FYB2: variants seen among roughly 807,000 people sequenced by gnomAD.
FYB2 encodes the protein FYN binding protein 2.
A neutral mutation model predicts 94.1 loss-of-function variants in FYB2; 103 were observed. The observed-to-expected ratio is 1.09, with a 90% CI of 0.93 to 1.29. FYB2 has a LOEUF of 1.29. Ranked by LOEUF, FYB2 falls within the 50% of genes most tolerant of loss-of-function variation. The pLI, the probability that FYB2 is intolerant of heterozygous loss-of-function variation, is 0.00. For missense variants in FYB2, 896 were observed against 841.5 expected, an observed-to-expected ratio of 1.06 and a Z score of -0.80; for synonymous variants, 293 against 287.9, an observed-to-expected ratio of 1.02 and a Z score of -0.18.
upstream of FYB2, chr1:56,824,343 A>G (rs79871836): frequency 0.019 from 2,914 of 152,338 alleles, 98 homozygotes; most frequent in African/African-American, 0.067. Flanking sequence ...TCCAGAGAAC[A>G]GAAGGGCTCA....
intron 3 of FYB2, chr1:56,788,751 C>CAGT (rs1317765972): frequency 4.9e-5 from 28 of 574,920 alleles, no homozygotes; most frequent in Non-Finnish European, 8.0e-5. Flanking sequence ...TGATCAAATG[C>CAGT]AGTGCTCTCA....
chr1:56,792,849 C>A (rs1477348664), intron 1 of FYB2, 46 bp from the exon 2 acceptor site: 14 of 1,519,052 alleles, frequency 9.2e-6, no homozygotes, highest in Non-Finnish European at 1.2e-5. Context: ...CAAAAACAAA[C>A]AAACAACAAC....
At chr1:56,756,000 A>G (rs1645321225) in intron 6 of FYB2, 73 bp from the exon 7 acceptor site, 1 of 1,424,314 alleles carries the variant, frequency 7.0e-7, no homozygotes, top group Non-Finnish European at 9.9e-7. Context: ...GTTACAGATC[A>G]TTAGAGACTA....
intron 1 of FYB2, among the ~76,000 whole-genome samples, chr1:56,794,398 C>T (rs200089250): frequency 2.6e-5 from 4 of 151,992 alleles, no homozygotes; most frequent in African/African-American, 7.2e-5. Flanking sequence ...GGAGCCATTG[C>T]AAAAAATAAG....
chr1:56,758,581 A>G lies in FYB2; in HGVS notation c.1098+135T>C, dbSNP rs6694629. The G allele has an allele frequency of 6.3e-6, 4 of 638,420 alleles. No homozygotes were observed. In the African/African-American group the frequency reaches 7.7e-5, roughly 12 times the overall value. The allele number at this position is 638,420 out of a possible 1,614,324, so 39.5% of individuals were successfully genotyped here. On this transcript the variant is annotated intron_variant, in intron 6 of 19. Coordinates refer to ENST00000343433, the MANE Select transcript of FYB2 (RefSeq NM_001004303.5). ...CAAAGTGCAGACTCTTAGAAGCTGG[A>G]GTCTGGAAAATCCTCAGAAATAGGA...
chr1:56,751,569 G>T (rs1197173183), intron 8 of FYB2, among the ~76,000 whole-genome samples: 1 of 152,002 alleles, frequency 6.6e-6, no homozygotes, highest in Non-Finnish European at 1.5e-5. Context: ...ACTGGTCACT[G>T]GTTCCACAGT....
Position 56,740,823 on chromosome 1 carries a change from C to A in FYB2, c.1605-28G>T, listed in dbSNP as rs192402311. The stretch of plus-strand genomic sequence containing the variant: ...GAGAGGAATCACAGGATATAAGTAA[C>A]ATGGCATTTAAGAGAGTACTAGAGA... On this transcript the variant is annotated intron_variant, in intron 12 of 19. Coordinates refer to ENST00000343433, the MANE Select transcript of FYB2 (RefSeq NM_001004303.5). 1.3e-3 allele frequency: 1,943 copies of A among 1,468,558 alleles called. 3 individuals carry two copies. Among genetic ancestry groups the A allele is most frequent in the Non-Finnish European group, 1.3e-3 (1,389 of 1,064,708 alleles). The allele number at this position is 1,468,558 out of a possible 1,614,324, so 91.0% of individuals were successfully genotyped here.
intron 15 of FYB2, 67 bp from the exon 16 acceptor site, chr1:56,726,650 C>G (rs1030823599): frequency 1.6e-6 from 2 of 1,259,414 alleles, no homozygotes; most frequent in Non-Finnish European, 1.1e-6. Flanking sequence ...ACCATCAACA[C>G]TTCATGGGCA....
chr1:56,814,963 A>G (rs1646848634), intron 1 of FYB2, among the ~76,000 whole-genome samples: 1 of 152,200 alleles, frequency 6.6e-6, no homozygotes, highest in Non-Finnish European at 1.5e-5. Context: ...ATGTCAGAGC[A>G]TGACAAGACC....
At chr1:56,783,897 T>C (rs1646068786) in intron 4 of FYB2, among the ~76,000 whole-genome samples, 2 of 152,166 alleles carry the variant, frequency 1.3e-5, no homozygotes, top group African/African-American at 4.8e-5. Flanking sequence ...GTTCTGAGCA[T>C]AGATTCTTGC....
chr1:56,733,371 C>CA (rs1644755193), intron 15 of FYB2, among the ~76,000 whole-genome samples: 2 of 151,970 alleles, frequency 1.3e-5, no homozygotes, highest in South Asian at 2.1e-4. Context: ...TTGATCTTTT[C>CA]AAAAAACCAG....
At position 56,819,274 on chromosome 1, in the gene FYB2, A is replaced by G; in HGVS notation, c.9+8T>C. The G allele has an allele frequency of 6.2e-7, 1 of 1,614,242 alleles. No individual in the cohort carries two copies. The highest frequency in any genetic ancestry group is 8.5e-7 in the Non-Finnish European group (1 of 1,180,036). ...AGAAAGCCAGCAACAAAACTGAGAC[A>G]GCCTTACCCCTTCCATTGCTTTCCT... On this transcript the variant is annotated splice_region_variant and intron_variant, in intron 1 of 19. Transcript: ENST00000343433.
chr1:56,735,708 C>G (rs1644816127), intron 15 of FYB2, among the ~76,000 whole-genome samples: 1 of 152,064 alleles, frequency 6.6e-6, no homozygotes, highest in Non-Finnish European at 1.5e-5. Context: ...CTTTCCCCTT[C>G]ACTTTCTCTT....
At chr1:56,778,554 C>T (rs1488916385) in intron 4 of FYB2, among the ~76,000 whole-genome samples, 1 of 152,170 alleles carries the variant, frequency 6.6e-6, no homozygotes, top group South Asian at 2.1e-4. Context: ...AGCTCCCCCT[C>T]TCTGTCAGGT....
At position 56,719,202 on chromosome 1, in the gene FYB2, T is replaced by C. The variant is rs1002426959; in HGVS notation, c.*469A>G. On this transcript the variant is annotated 3_prime_UTR_variant, in exon 20 of 20. Transcript: ENST00000343433. ...CTGAGCCATAATTAAGATTATACCT[T>C]AAACTTGAGTATTTAAAAGACCTTG... The C allele has an allele frequency of 6.5e-6, 1 of 153,342 alleles. No homozygotes were observed. The highest frequency in any genetic ancestry group is 1.5e-5 in the Non-Finnish European group (1 of 68,628). 9.5% of individuals were successfully genotyped at this position (153,342 alleles called of 1,614,324 possible).
At chr1:56,749,840 C>T (rs1232592542) in intron 9 of FYB2, among the ~76,000 whole-genome samples, 1 of 152,020 alleles carries the variant, frequency 6.6e-6, no homozygotes, top group African/African-American at 2.4e-5. Flanking sequence ...CTTTGGCATG[C>T]ACCTCCCAGG....
In FYB2 at chr1:56,751,182, G is replaced by T; in HGVS notation, c.1249C>A (p.Pro417Thr). 6.2e-7 allele frequency: 1 copy of T among 1,612,492 alleles called. No homozygotes were observed. Among genetic ancestry groups the T allele is most frequent in the African/African-American group, 1.3e-5 (1 of 74,884 alleles). Residue 417 changes from proline (P) to threonine (T), a missense_variant, in exon 9 of 20, where the codon CCT (proline) becomes ACT (threonine). By Grantham distance (38) the Pro-to-Thr change is conservative. Transcript: ENST00000343433. ...VFKVDACEGT[P>T]EKIQMTNVHT... is the part of the protein sequence containing the mutation. ...ACGTTGGTCATCTGAATTTTTTCAG[G>T]TGTCCCTTCACAGGCATCTACCTAA... is the stretch of plus-strand genomic sequence containing the variant.
At chr1:56,793,937 T>C (rs897712498) in intron 1 of FYB2, among the ~76,000 whole-genome samples, 30 of 152,128 alleles carry the variant, frequency 2.0e-4, no homozygotes, top group African/African-American at 7.2e-4. Context: ...TCTAGGGAAA[T>C]ACTCTGAGAA....
chr1:56,751,330 T>TA (rs367739518), intron 8 of FYB2, 127 bp from the exon 9 acceptor site: 2 of 1,052,680 alleles, frequency 1.9e-6, no homozygotes. Context: ...TAACATTGAA[T>TA]AATATCTTAC....
Sources: gnomAD v4.1 joint callset for allele counts (sites outside exome capture counted in the v4.1 genomes callset) on GRCh38, gnomAD v4.1.1 for gene constraint, MANE v1.5 for transcripts, NCBI Gene and HGNC (gene_info 2026-07-23, HGNC 2026-07-21) for gene names.